KAT14: variants seen among roughly 807,000 people sequenced by gnomAD.
The protein encoded by KAT14 is lysine acetyltransferase 14.
KAT14 carries 66 observed loss-of-function variants against 78.4 expected under a neutral mutation model. The observed-to-expected ratio is 0.84, with a 90% confidence interval of 0.69 to 1.03. The LOEUF (loss-of-function observed/expected upper bound fraction) is 1.03. KAT14 is among the 50% of genes least tolerant of loss of function. The pLI, the probability that KAT14 is intolerant of heterozygous loss-of-function variation, is 0.00. For synonymous variants in KAT14, 344 were observed against 359.4 expected (o/e 0.96, Z 0.48); for missense variants, 870 against 972.5 (o/e 0.89, Z 1.40).
chr20:18,181,691 C>A lies in KAT14; in HGVS notation c.1669-19C>A. Reference sequence around the variant, plus strand: ...GCCTGAGTAATTATTTCTATATAACCAGTGTTTCTTTCTCATAGACTTCCT... The same window carrying A: ...GCCTGAGTAATTATTTCTATATAACAAGTGTTTCTTTCTCATAGACTTCCT... On this transcript the variant is annotated intron_variant, in intron 7 of 10. Coordinates refer to ENST00000688188, the MANE Select transcript of KAT14 (RefSeq NM_001392073.1). The A allele has an allele frequency of 6.2e-7, 1 of 1,613,864 alleles. No individual in the cohort carries two copies. The highest frequency in any genetic ancestry group is 8.5e-7 in the Non-Finnish European group (1 of 1,179,878).
intron 1 of KAT14, among the ~76,000 whole-genome samples, chr20:18,139,910 T>C (rs1266685708): frequency 6.6e-6 from 1 of 152,162 alleles, no homozygotes; most frequent in Non-Finnish European, 1.5e-5. Context: ...AATTAAGCAG[T>C]GCTACATGAG....
intron 8 of KAT14, among the ~76,000 whole-genome samples, chr20:18,182,241 C>A (rs1214972495): frequency 6.6e-6 from 1 of 151,854 alleles, no homozygotes; most frequent in Non-Finnish European, 1.5e-5. Flanking sequence ...CTTGCCTCAG[C>A]CTCCCAAGTA....
rs774204633 is a variant in KAT14, at chr20:18,150,963, C to T, written c.500+21C>T. On this transcript the variant is annotated intron_variant, in intron 4 of 10. Coordinates refer to ENST00000688188, the MANE Select transcript of KAT14 (RefSeq NM_001392073.1). ...AATAGGTAATGTGTTTTTAAAAAATCTTATACTTCAAGGAATATGTAAAGA... is the reference window on the plus strand; with the variant it reads ...AATAGGTAATGTGTTTTTAAAAAATTTTATACTTCAAGGAATATGTAAAGA... The T allele has an allele frequency of 7.4e-6, 12 of 1,611,362 alleles. No individual in the cohort carries two copies. The South Asian group carries it at 1.1e-4, about 15-fold the overall frequency.
At chr20:18,184,485 G>GTTTTTT (rs374086894) in intron 9 of KAT14, 117 bp from the exon 10 acceptor site, 6 of 602,038 alleles carry the variant, frequency 1.0e-5, no homozygotes, top group South Asian at 3.0e-5. Flanking sequence ...CAGTTTTGGT[G>GTTTTTT]TTTTTTTTTT....
intron 2 of KAT14, 31 bp from the exon 3 acceptor site, chr20:18,145,202 C>G (rs1462994803): frequency 1.1e-5 from 18 of 1,611,660 alleles, no homozygotes; most frequent in Admixed American, 1.7e-5. Context: ...TCTAGATAAA[C>G]CCATGATGTG....
chr20:18,144,975 T>C (rs1234959919), intron 2 of KAT14: 20 of 802,492 alleles, frequency 2.5e-5, no homozygotes, highest in Non-Finnish European at 2.9e-5. Flanking sequence ...AATTGGGAAA[T>C]CCAGCAACAA....
At chr20:18,163,695 T>G (rs1317815392) in intron 7 of KAT14, among the ~76,000 whole-genome samples, 1 of 152,248 alleles carries the variant, frequency 6.6e-6, no homozygotes, top group East Asian at 1.9e-4. Flanking sequence ...TAGTGGGATC[T>G]GCTCTTCATT....
Position 18,152,453 on chromosome 20 carries a change from C to T in KAT14, c.500+1511C>T, listed in dbSNP as rs150349786. Among the ~76,000 whole-genome samples the T allele has an allele frequency of 4.9e-3, 748 of 151,978 alleles. 8 individuals are homozygous for T. Among genetic ancestry groups the T allele is most frequent in the African/African-American group, 0.017 (686 of 41,454 alleles). ...TTAGCTGGGCTTGGTGGCGGGTGCC[C>T]GTAATCCCAGCTACTCGGGAGGCTG... On this transcript the variant is annotated intron_variant, in intron 4 of 10. Transcript: ENST00000688188.
At chr20:18,166,485 T>TAATA (rs766809978) in intron 7 of KAT14, among the ~76,000 whole-genome samples, 10 of 152,332 alleles carry the variant, frequency 6.6e-5, no homozygotes, top group East Asian at 5.8e-4. Flanking sequence ...AAAGAGTTAT[T>TAATA]AGCACAAGGC....
chr20:18,148,641 C>G (rs913969719), intron 3 of KAT14, among the ~76,000 whole-genome samples: 2 of 149,398 alleles, frequency 1.3e-5, no homozygotes, highest in Non-Finnish European at 3.0e-5. Context: ...TGGAGTTTCA[C>G]TCTTGTTGCC....
intron 7 of KAT14, among the ~76,000 whole-genome samples, chr20:18,168,006 ATTTCTT>A (rs2038709445): frequency 2.0e-5 from 3 of 152,060 alleles, no homozygotes; most frequent in African/African-American, 7.2e-5. Context: ...TTCTAGATTA[ATTTCTT>A]GCTGGACTGC....
chr20:18,140,493 C>A (rs532654992), intron 1 of KAT14, among the ~76,000 whole-genome samples: 1 of 152,044 alleles, frequency 6.6e-6, no homozygotes, highest in Non-Finnish European at 1.5e-5. Flanking sequence ...CCCATTAATT[C>A]TACTCTATAT....
chr20:18,141,031 T>TA (rs2037535146), intron 1 of KAT14, among the ~76,000 whole-genome samples: 1 of 16,086 alleles, frequency 6.2e-5, no homozygotes, highest in African/African-American at 1.5e-4. Flanking sequence ...CAATTTTTTT[T>TA]TTTTTTTTTT....
chr20:18,172,740 T>G (rs2038892228), intron 7 of KAT14, among the ~76,000 whole-genome samples: 1 of 152,180 alleles, frequency 6.6e-6, no homozygotes, highest in Non-Finnish European at 1.5e-5. Flanking sequence ...CTCAGTCTGG[T>G]TCTGATGTTT....
chr20:18,163,212 CTT>C (rs1400406870), intron 7 of KAT14, among the ~76,000 whole-genome samples: 3 of 152,174 alleles, frequency 2.0e-5, no homozygotes, highest in Non-Finnish European at 4.4e-5. Context: ...ATCTGTCTCT[CTT>C]GTCTCTCTCT....
intron 3 of KAT14, among the ~76,000 whole-genome samples, chr20:18,147,319 T>C (rs1415612530): frequency 1.3e-5 from 2 of 152,230 alleles, no homozygotes; most frequent in Non-Finnish European, 2.9e-5. Context: ...CTGGGACATT[T>C]TTCTCAAGTG....
At chr20:18,142,087 G>C in intron 1 of KAT14, 121 bp from the exon 2 acceptor site, 1 of 990,438 alleles carries the variant, frequency 1.0e-6, no homozygotes, top group Admixed American at 3.2e-5. Context: ...ATAGTAACTG[G>C]GTATTTGGAA....
intron 7 of KAT14, among the ~76,000 whole-genome samples, chr20:18,165,067 A>G (rs116984558): frequency 0.045 from 6,835 of 152,294 alleles, 218 homozygotes; most frequent in Middle Eastern, 0.092. Context: ...ATAAATGCCC[A>G]TGTATTCATC....
At chr20:18,163,974 C>T (rs941520675) in intron 7 of KAT14, among the ~76,000 whole-genome samples, 1 of 152,128 alleles carries the variant, frequency 6.6e-6, no homozygotes, top group African/African-American at 2.4e-5. Context: ...TAGGCTTTGC[C>T]GGCCACAAAA....
Sources: allele counts gnomAD v4.1 joint callset (sites outside exome capture counted in the v4.1 genomes callset), GRCh38; gene constraint gnomAD v4.1.1; transcripts MANE v1.5; gene names NCBI Gene and HGNC (gene_info 2026-07-23, HGNC 2026-07-21).